HORMAD2: variants seen among roughly 807,000 people sequenced by gnomAD.
The protein encoded by HORMAD2 is HORMA domain containing 2, also known as HORMA domain-containing protein 2.
In HORMAD2, 45 loss-of-function variants were observed where a neutral mutation model predicts 38.8. The ratio of observed to expected loss-of-function variants is 1.16; its 90% CI spans 0.91 to 1.49. The LOEUF (loss-of-function observed/expected upper bound fraction) is 1.49. Ranked by LOEUF, HORMAD2 falls within the 40% of genes most tolerant of loss-of-function variation. The pLI is 0.00. For missense variants in HORMAD2, 338 were observed against 367.0 expected, an observed-to-expected ratio of 0.92 and a Z score of 0.65; for synonymous variants, 126 against 122.8, an observed-to-expected ratio of 1.03 and a Z score of -0.17.
the HORMAD2 span, among the ~76,000 whole-genome samples, chr22:30,190,471 G>A: frequency 6.6e-6 from 1 of 152,230 alleles, no homozygotes; most frequent in Non-Finnish European, 1.5e-5. Context: ...AGTTACTGGT[G>A]TAACTTTCGA....
At chr22:30,114,083 A>G (rs140945540) in intron 7 of HORMAD2, among the ~76,000 whole-genome samples, 9 of 152,274 alleles carry the variant, frequency 5.9e-5, no homozygotes, top group African/African-American at 2.2e-4. Context: ...GGGTAGTGAA[A>G]TGCTAAGCAA....
chr22:30,147,738 TA>T (rs1010631766), intron 10 of HORMAD2, among the ~76,000 whole-genome samples: 1 of 152,250 alleles, frequency 6.6e-6, no homozygotes, highest in East Asian at 1.9e-4. Flanking sequence ...AGACTACATT[TA>T]AAAAAATCTA....
chr22:30,196,307 C>T, the HORMAD2 span, among the ~76,000 whole-genome samples: 2 of 152,198 alleles, frequency 1.3e-5, no homozygotes, highest in Admixed American at 6.5e-5. Flanking sequence ...AAAGCAAGCA[C>T]GTCAAGTGAT....
chr22:30,134,522 A>C (rs1923522709), intron 10 of HORMAD2, among the ~76,000 whole-genome samples: 1 of 150,012 alleles, frequency 6.7e-6, no homozygotes, highest in Non-Finnish European at 1.5e-5. Context: ...AATGAGGCCA[A>C]TTGTGTTTCT....
At chr22:30,137,193 C>G (rs1440671197) in intron 10 of HORMAD2, 1 of 584,622 alleles carries the variant, frequency 1.7e-6, no homozygotes, top group Non-Finnish European at 3.2e-6. Flanking sequence ...TTGCCCTGAA[C>G]ATCTTCAGTA....
upstream of HORMAD2, among the ~76,000 whole-genome samples, chr22:30,079,848 T>C (rs544192702): frequency 2.0e-5 from 3 of 152,164 alleles, no homozygotes; most frequent in Admixed American, 2.0e-4. Context: ...CCCAGCTAAT[T>C]TTTGTATTTT....
intron 10 of HORMAD2, among the ~76,000 whole-genome samples, chr22:30,160,526 A>T (rs1925377750): frequency 6.6e-6 from 1 of 152,104 alleles, no homozygotes; most frequent in Admixed American, 6.6e-5. Context: ...GATGCAGTTG[A>T]TTTTGAAATG....
At chr22:30,079,296 C>A (rs932892026), upstream of HORMAD2, among the ~76,000 whole-genome samples, 2 of 152,110 alleles carry the variant, frequency 1.3e-5, no homozygotes, top group East Asian at 1.9e-4. Flanking sequence ...AGGAGCCACA[C>A]CCCCAACTGC....
intron 5 of HORMAD2, among the ~76,000 whole-genome samples, chr22:30,109,579 A>G (rs1921472712): frequency 6.6e-6 from 1 of 152,174 alleles, no homozygotes. Flanking sequence ...GGGCTCCCAA[A>G]GTGCTGGGAT....
intron 10 of HORMAD2, among the ~76,000 whole-genome samples, chr22:30,171,373 A>G (rs1317579004): frequency 6.6e-6 from 1 of 152,182 alleles, no homozygotes; most frequent in Non-Finnish European, 1.5e-5. Flanking sequence ...GACCTGAGAG[A>G]ACAGCAACTC....
chr22:30,115,483 G>C (rs1921973949), intron 7 of HORMAD2, among the ~76,000 whole-genome samples: 1 of 152,040 alleles, frequency 6.6e-6, no homozygotes, highest in African/African-American at 2.4e-5. Flanking sequence ...TATACTTTTA[G>C]ATACTTTATT....
chr22:30,183,587 T>G, the HORMAD2 span, among the ~76,000 whole-genome samples: 1 of 152,364 alleles, frequency 6.6e-6, no homozygotes, highest in East Asian at 1.9e-4. Context: ...TATCTCAATT[T>G]CTGATAAGAT....
intron 10 of HORMAD2, among the ~76,000 whole-genome samples, chr22:30,152,892 C>T (rs1011904419): frequency 1.3e-5 from 2 of 152,124 alleles, no homozygotes; most frequent in Admixed American, 6.5e-5. Context: ...TGTATGCTGT[C>T]GACTTCCATA....
At chr22:30,169,830 A>G (rs1335764399) in intron 10 of HORMAD2, among the ~76,000 whole-genome samples, 1 of 152,184 alleles carries the variant, frequency 6.6e-6, no homozygotes, top group Non-Finnish European at 1.5e-5. Flanking sequence ...ACAAACTTGG[A>G]TAATTTTTGT....
At chr22:30,078,171 G>A (rs2068406490), upstream of HORMAD2, among the ~76,000 whole-genome samples, 1 of 152,208 alleles carries the variant, frequency 6.6e-6, no homozygotes, top group Non-Finnish European at 1.5e-5. Context: ...TATAATTTCA[G>A]TCCACCAATG....
chr22:30,103,649 A>ATTT (rs71198524), intron 4 of HORMAD2, 149 bp downstream of exon 4: 991 of 75,164 alleles, frequency 0.013, 132 homozygotes, highest in East Asian at 0.039. Flanking sequence ...TCTGTTTTTG[A>ATTT]TTTTTTTTTT....
intron 5 of HORMAD2, among the ~76,000 whole-genome samples, chr22:30,106,768 A>T (rs1921231351): frequency 6.6e-6 from 1 of 152,218 alleles, no homozygotes; most frequent in Non-Finnish European, 1.5e-5. Context: ...GTTTCTTTGC[A>T]TATAAGATGG....
intron 10 of HORMAD2, among the ~76,000 whole-genome samples, chr22:30,147,260 C>T (rs1262921458): frequency 6.6e-6 from 1 of 152,094 alleles, no homozygotes; most frequent in African/African-American, 2.4e-5. Context: ...GATTTCAAGA[C>T]ATTGTGCTAA....
chr22:30,166,218 C>T (rs1420900506), intron 10 of HORMAD2, among the ~76,000 whole-genome samples: 2 of 152,014 alleles, frequency 1.3e-5, no homozygotes, highest in Non-Finnish European at 2.9e-5. Flanking sequence ...TTTGAGGAAA[C>T]ATTATTTCTA....
Sources: allele counts gnomAD v4.1 joint callset (sites outside exome capture counted in the v4.1 genomes callset), GRCh38; gene constraint gnomAD v4.1.1; transcripts MANE v1.5; gene names NCBI Gene and HGNC (gene_info 2026-07-23, HGNC 2026-07-21).